IQGAP2: variants seen among roughly 807,000 people sequenced by gnomAD.
IQGAP2 encodes the protein ras GTPase-activating-like protein IQGAP2.
Under a neutral mutation model 201.3 loss-of-function variants are expected in IQGAP2, and 173 were observed. The observed-to-expected ratio is 0.86, with a 90% CI of 0.76 to 0.98. The LOEUF (loss-of-function observed/expected upper bound fraction) is 0.98, where lower values mean the gene tolerates loss of function less well. Among genes scored for constraint, IQGAP2 ranks in the 50% least tolerant of loss-of-function variants. The pLI is 0.00. For synonymous variants in IQGAP2, 675 were observed against 673.9 expected (o/e 1.00, Z -0.03); for missense variants, 1,687 against 1,864.8 (o/e 0.90, Z 1.76).
chr5:76,648,401 A>G (rs528338620), intron 17 of IQGAP2, among the ~76,000 whole-genome samples: 3 of 152,282 alleles, frequency 2.0e-5, no homozygotes, highest in African/African-American at 7.2e-5. Flanking sequence ...AAGCCACCTA[A>G]AACAGTAGGA....
intron 24 of IQGAP2, 33 bp from the exon 25 acceptor site, chr5:76,673,416 C>G (rs771815414): frequency 7.5e-6 from 12 of 1,602,496 alleles, no homozygotes; most frequent in African/African-American, 2.7e-5. Flanking sequence ...TGTACCTAAG[C>G]CTCCAGTTAA....
chr5:76,526,955 G>T (rs1410493339), intron 2 of IQGAP2, among the ~76,000 whole-genome samples: 2 of 152,202 alleles, frequency 1.3e-5, no homozygotes, highest in Non-Finnish European at 2.9e-5. Context: ...TGTGCATGAT[G>T]CTGGGCAGCT....
intron 1 of IQGAP2, among the ~76,000 whole-genome samples, chr5:76,440,306 C>T (rs1752954192): frequency 6.6e-6 from 1 of 152,056 alleles, no homozygotes; most frequent in Non-Finnish European, 1.5e-5. Flanking sequence ...GAGAGGATTG[C>T]TTGAGGCCAA....
intron 13 of IQGAP2, among the ~76,000 whole-genome samples, chr5:76,613,711 G>A (rs1158752774): frequency 6.6e-6 from 1 of 151,388 alleles, no homozygotes; most frequent in East Asian, 1.9e-4. Flanking sequence ...TCTTTTTTTT[G>A]TGAGGTGGAG....
intron 11 of IQGAP2, among the ~76,000 whole-genome samples, chr5:76,601,487 T>TTTCATGTTTC: frequency 6.6e-6 from 1 of 152,248 alleles, no homozygotes; most frequent in Non-Finnish European, 1.5e-5. Flanking sequence ...TTATCTTTCA[T>TTTCATGTTTC]TTCATGTTTC....
intron 2 of IQGAP2, among the ~76,000 whole-genome samples, chr5:76,472,484 G>A (rs13184703): frequency 0.51 from 76,817 of 151,990 alleles, 20,142 homozygotes; most frequent in Non-Finnish European, 0.55. Context: ...AGGACTTGGC[G>A]GGGGTCTGGA....
chr5:76,630,071 G>C (rs930667304), intron 14 of IQGAP2, among the ~76,000 whole-genome samples: 1 of 152,150 alleles, frequency 6.6e-6, no homozygotes, highest in African/African-American at 2.4e-5. Context: ...CTATTATCTT[G>C]GTAGTTTCTT....
At chr5:76,668,274 T>A (rs1022128481) in intron 22 of IQGAP2, among the ~76,000 whole-genome samples, 29 of 152,056 alleles carry the variant, frequency 1.9e-4, no homozygotes, top group Non-Finnish European at 3.7e-4. Flanking sequence ...TTCAAAAAGG[T>A]CAACAGTGAA....
chr5:76,442,469 A>G (rs1172277921), intron 1 of IQGAP2, among the ~76,000 whole-genome samples: 1 of 152,198 alleles, frequency 6.6e-6, no homozygotes, highest in Non-Finnish European at 1.5e-5. Flanking sequence ...TGTCTGTGTA[A>G]TGGGGAGGGA....
At chr5:76,558,219 T>C (rs1286033102) in intron 2 of IQGAP2, among the ~76,000 whole-genome samples, 2 of 152,126 alleles carry the variant, frequency 1.3e-5, no homozygotes, top group Non-Finnish European at 2.9e-5. Context: ...GAGCTTTTAT[T>C]TTTGCCTCCT....
chr5:76,641,701 C>T (rs900130120), intron 17 of IQGAP2, among the ~76,000 whole-genome samples: 7 of 152,144 alleles, frequency 4.6e-5, no homozygotes, highest in Non-Finnish European at 1.0e-4. Context: ...TTCTGTATTC[C>T]TATAGCGCCC....
At chr5:76,704,734 C>T (rs1747725939) in intron 35 of IQGAP2, among the ~76,000 whole-genome samples, 1 of 152,212 alleles carries the variant, frequency 6.6e-6, no homozygotes, top group Non-Finnish European at 1.5e-5. Context: ...CCCACGGAGC[C>T]AGCCCTGCAT....
At chr5:76,441,224 A>G (rs1580196782) in intron 1 of IQGAP2, among the ~76,000 whole-genome samples, 1 of 152,284 alleles carries the variant, frequency 6.6e-6, no homozygotes, top group South Asian at 2.1e-4. Context: ...GGTTTAAGAG[A>G]ATGTCTAGCA....
At chr5:76,647,452 C>T (rs1476283622) in intron 17 of IQGAP2, among the ~76,000 whole-genome samples, 5 of 152,004 alleles carry the variant, frequency 3.3e-5, no homozygotes, top group Admixed American at 6.6e-5. Context: ...TGGGAGGGAC[C>T]CAGTGGGAGA....
At position 76,514,629 on chromosome 5, in the gene IQGAP2, CT is replaced by C. The variant is rs547375786; in HGVS notation, c.147-47766del. On this transcript the variant is annotated intron_variant, in intron 2 of 35. Coordinates refer to ENST00000274364, the MANE Select transcript of IQGAP2 (RefSeq NM_006633.5). ...CATCACCTGCATCACGTGGTCTGTCCTCTCTGAAATCTCGTTAGAAGCAGTC... is the reference window on the plus strand; with the variant it reads ...CATCACCTGCATCACGTGGTCTGTCCCTCTGAAATCTCGTTAGAAGCAGTC... Among the ~76,000 whole-genome samples, 8 of 152,300 alleles carry C rather than the reference CT, an allele frequency of 5.3e-5. No individual in the cohort carries two copies. The East Asian group carries it at 1.6e-3, about 30-fold the overall frequency.
intron 3 of IQGAP2, among the ~76,000 whole-genome samples, chr5:76,569,054 G>A (rs1203613263): frequency 6.6e-6 from 1 of 152,086 alleles, no homozygotes; most frequent in Non-Finnish European, 1.5e-5. Flanking sequence ...AACTCTCTGG[G>A]CTCTGTTTAT....
intron 12 of IQGAP2, among the ~76,000 whole-genome samples, chr5:76,610,106 ATATATATATTTTT>A (rs1748211517): frequency 5.8e-5 from 1 of 17,220 alleles, no homozygotes; most frequent in African/African-American, 1.9e-4. Context: ...ATATATATAT[ATATATATATTTTT>A]TTTTTTTTTT....
intron 2 of IQGAP2, among the ~76,000 whole-genome samples, chr5:76,485,755 C>T (rs902170021): frequency 2.6e-5 from 4 of 152,152 alleles, no homozygotes; most frequent in Non-Finnish European, 2.9e-5. Flanking sequence ...CTGTACAGCC[C>T]CCCAGGTGTG....
chr5:76,530,963 T>C (rs1759256511), intron 2 of IQGAP2, among the ~76,000 whole-genome samples: 1 of 152,238 alleles, frequency 6.6e-6, no homozygotes, highest in South Asian at 2.1e-4. Flanking sequence ...TGCTAATGAT[T>C]AGAACTTTTG....
Sources: allele counts gnomAD v4.1 joint callset (sites outside exome capture counted in the v4.1 genomes callset), GRCh38; gene constraint gnomAD v4.1.1; transcripts MANE v1.5; gene names NCBI Gene and HGNC (gene_info 2026-07-23, HGNC 2026-07-21).